KIF18B: variants seen among roughly 807,000 people sequenced by gnomAD.
KIF18B encodes the protein kinesin-like protein KIF18B.
In KIF18B, 49 loss-of-function variants were observed where a neutral mutation model predicts 80.9. The observed-to-expected ratio is 0.61, with a 90% CI of 0.48 to 0.77. The LOEUF (loss-of-function observed/expected upper bound fraction) is 0.77. KIF18B is among the 30% of genes least tolerant of loss of function. KIF18B has a pLI of 0.00. For missense variants in KIF18B, 994 were observed against 1,127.7 expected (o/e 0.88, Z 1.70); for synonymous variants, 439 against 463.9 (o/e 0.95, Z 0.69).
intron 7 of KIF18B, among the ~76,000 whole-genome samples, 155 bp from the exon 8 acceptor site, chr17:44,933,141 C>A (rs2052195944): frequency 6.6e-6 from 1 of 152,184 alleles, no homozygotes; most frequent in African/African-American, 2.4e-5. Context: ...AGTATCATGC[C>A]TGAGACCACA....
At chr17:44,942,955 C>G (rs2052446108) in intron 1 of KIF18B, among the ~76,000 whole-genome samples, 1 of 152,204 alleles carries the variant, frequency 6.6e-6, no homozygotes, top group Non-Finnish European at 1.5e-5. Context: ...ACCAGGGGCA[C>G]TACCCCATCC....
chr17:44,947,470 G>A (rs1488844209), intron 1 of KIF18B, among the ~76,000 whole-genome samples, 158 bp downstream of exon 1: 3 of 152,238 alleles, frequency 2.0e-5, no homozygotes, highest in African/African-American at 7.2e-5. Context: ...GACAGAGCCT[G>A]CCGGGGCGGC....
At chr17:44,938,991 CTGAG>C (rs2052363252) in intron 1 of KIF18B, among the ~76,000 whole-genome samples, 1 of 151,320 alleles carries the variant, frequency 6.6e-6, no homozygotes, top group Non-Finnish European at 1.5e-5. Context: ...TTGCGGTGAG[CTGAG>C]ATCGTACCAC....
At position 44,937,216 on chromosome 17, in the gene KIF18B, T is replaced by C. The variant is rs918436356; in HGVS notation, c.-14-858A>G. Among the ~76,000 whole-genome samples the C allele has an allele frequency of 9.3e-4, 142 of 152,270 alleles. 3 individuals carry two copies. The South Asian group carries it at 0.029, about 31-fold the overall frequency. On this transcript the variant is annotated intron_variant, in intron 1 of 15. Transcript: ENST00000593135. Reference sequence around the variant, plus strand: ...TTGATTTTAAGAAAATTTTATCAATTCTACCCCCAACCTAGAGCCCTCTCC... The same window carrying C: ...TTGATTTTAAGAAAATTTTATCAATCCTACCCCCAACCTAGAGCCCTCTCC...
chr17:44,932,877 G>C (rs368760981), intron 8 of KIF18B, 35 bp downstream of exon 8: 2 of 1,591,190 alleles, frequency 1.3e-6, no homozygotes, highest in African/African-American at 1.3e-5. Flanking sequence ...TCTGGCTGTC[G>C]GCCCTCCAGC....
intron 14 of KIF18B, 109 bp downstream of exon 14, chr17:44,926,880 C>CG: frequency 1.1e-6 from 1 of 939,608 alleles, no homozygotes. Context: ...CTGCTTGCTC[C>CG]GGGGGTGTAG....
In KIF18B at chr17:44,928,912, G is replaced by A; in HGVS notation, c.1630C>T (p.Gln544Ter). 6.2e-7 allele frequency: 1 copy of A among 1,613,954 alleles called. No homozygotes were observed. The highest frequency in any genetic ancestry group is 8.5e-7 in the Non-Finnish European group (1 of 1,179,890). ...GCCCCAGGCTCAATTTTTTCCTCTT[G>A]CACCAGCTGCTGTAGGGTCTCAAAC... ...TEFETLQQLVQEEKIEPGAEA... is the reference protein window; with the variant it reads ...TEFETLQQLV The change falls in exon 12 of 16, where the codon CAA (glutamine) becomes TAA (stop). Residue 544 changes from glutamine to a stop codon, truncating the protein, a stop_gained. Transcript: ENST00000593135. LOFTEE classifies it high-confidence loss of function.
rs1266584927 is a variant in KIF18B at position 44,927,181 on chromosome 17, T to C, written c.2277-103A>G. Reference sequence around the variant, plus strand: ...CCAGCTCGGGCATGGGGGAGGGTGGTTGGACAAGATGACCTCTGAGGTTTC... The same window carrying C: ...CCAGCTCGGGCATGGGGGAGGGTGGCTGGACAAGATGACCTCTGAGGTTTC... On this transcript the variant is annotated intron_variant, in intron 13 of 15. Coordinates refer to ENST00000593135, the MANE Select transcript of KIF18B (RefSeq NM_001265577.2). The surrounding 1 kb of genome is among the most constrained non-coding windows in gnomAD (Gnocchi z 4.1). 7.7e-6 allele frequency: 6 copies of C among 782,784 alleles called. No homozygotes were observed. Among genetic ancestry groups the C allele is most frequent in the Admixed American group, 5.5e-5 (2 of 36,324 alleles). The allele number at this position is 782,784 out of a possible 1,614,324, so 48.5% of individuals were successfully genotyped here.
rs781348504 is a variant in KIF18B at position 44,939,366 on chromosome 17, CAAAAAAAAAA to C, written c.-14-3018_-14-3009del. ...AGCCTGGGTGACAGAGACTCCATCT[CAAAAAAAAAA>C]AAAAAAAAAAAAAAAAGAAACATGA... On this transcript the variant is annotated intron_variant, in intron 1 of 15. Transcript: ENST00000593135. Among the ~76,000 whole-genome samples the C allele has an allele frequency of 1.7e-3, 64 of 36,956 alleles. 2 individuals are homozygous for C. The highest frequency in any genetic ancestry group is 5.9e-3 in the African/African-American group (56 of 9,554). 24.2% of individuals were successfully genotyped at this position (36,956 alleles called of 152,430 possible).
intron 12 of KIF18B, 40 bp from the exon 13 acceptor site, chr17:44,928,618 C>G (rs1347334334): frequency 6.9e-7 from 1 of 1,441,788 alleles, no homozygotes; most frequent in Non-Finnish European, 9.1e-7. Flanking sequence ...CTTGGGGAGC[C>G]AGACACTGGA....
At chr17:44,941,978 G>A (rs1272052488) in intron 1 of KIF18B, among the ~76,000 whole-genome samples, 1 of 152,136 alleles carries the variant, frequency 6.6e-6, no homozygotes, top group Admixed American at 6.5e-5. Context: ...GGCACAAAGT[G>A]TGGATGACAC....
rs775862605 is a variant in KIF18B at position 44,928,951 on chromosome 17, C to T, written c.1591G>A (p.Asp531Asn). The stretch of plus-strand genomic sequence containing the variant: ...AGGGTCTCAAACTCTGTGATCATGT[C>T]GGGCGTCAGGAGGTTGGCTGCTTGG... The part of the protein sequence containing the change: ...LLQAANLLTP[D>N]MITEFETLQQ... The change falls in exon 12 of 16, where the codon GAC (aspartate) becomes AAC (asparagine). Residue 531 changes from aspartate (D) to asparagine (N), a missense_variant. By Grantham distance (23) the Asp-to-Asn change is conservative. Transcript: ENST00000593135. 9.3e-6 allele frequency: 15 copies of T among 1,613,898 alleles called. No individual in the cohort carries two copies. The highest frequency in any genetic ancestry group is 1.6e-4 in the Middle Eastern group (1 of 6,084).
rs367973974 is a variant in KIF18B at position 44,928,432 on chromosome 17, G to C, written c.1870C>G (p.Pro624Ala). The change falls in exon 13 of 16, where the codon CCC becomes GCC. Residue 624 changes from proline to alanine, a missense_variant. Physicochemically the swap from Pro to Ala is conservative, Grantham distance 27 (BLOSUM62 -1). Coordinates refer to ENST00000593135, the MANE Select transcript of KIF18B (RefSeq NM_001265577.2). ...GGTCTCCTCCTCTTCTTCTCCATGG[G>C]CCATCGGGACCCCTGGGCTGGGGTG... ...NCTPAQGSRW[P>A]MEKKRRRPSA... 37 of 1,540,976 alleles carry C rather than the reference G, an allele frequency of 2.4e-5. 1 individual carries two copies. The African/African-American group carries it at 4.9e-4, about 20-fold the overall frequency.
Position 44,928,997 on chromosome 17 carries a change from G to T in KIF18B, c.1545C>A (p.Ala515=). The part of the protein sequence containing the change: ...KQLALKVLCV[A]QRQYSLLQAA... ...CTTGGAGCAGGGAGTACTGCCGCTG[G>T]GCAACGCACAGCACCTTTAGGGCCA... The change falls in exon 12 of 16, where the codon GCC becomes GCA. Residue 515 remains alanine, a synonymous_variant. Coordinates refer to ENST00000593135, the MANE Select transcript of KIF18B (RefSeq NM_001265577.2). The T allele has an allele frequency of 6.2e-7, 1 of 1,613,998 alleles. No homozygotes were observed. Among genetic ancestry groups the T allele is most frequent in the Non-Finnish European group, 8.5e-7 (1 of 1,179,882 alleles).
intron 11 of KIF18B, among the ~76,000 whole-genome samples, chr17:44,929,558 AT>A (rs2052104175): frequency 6.6e-6 from 1 of 152,218 alleles, no homozygotes; most frequent in African/African-American, 2.4e-5. Context: ...GGGATAACAA[AT>A]GCCCCCACCT....
At chr17:44,944,510 G>A (rs1408011822) in intron 1 of KIF18B, among the ~76,000 whole-genome samples, 1 of 152,088 alleles carries the variant, frequency 6.6e-6, no homozygotes, top group Non-Finnish European at 1.5e-5. Context: ...CCAAAGTGCT[G>A]GTGCTGGGAT....
chr17:44,944,448 G>A (rs2052475770), intron 1 of KIF18B, among the ~76,000 whole-genome samples: 1 of 151,978 alleles, frequency 6.6e-6, no homozygotes, highest in Admixed American at 6.6e-5. Flanking sequence ...TCACCATGTC[G>A]GTCAGGCTGG....
chr17:44,946,625 CAT>C (rs1378829980), intron 1 of KIF18B, among the ~76,000 whole-genome samples: 1 of 152,192 alleles, frequency 6.6e-6, no homozygotes. Flanking sequence ...AATTATATGA[CAT>C]ATGGCATTTT....
chr17:44,942,734 CAG>C (rs2052442695), intron 1 of KIF18B, among the ~76,000 whole-genome samples: 2 of 152,254 alleles, frequency 1.3e-5, no homozygotes, highest in East Asian at 1.9e-4. Context: ...CAGAGAAGAG[CAG>C]AGTCTGAATC....
Sources: gnomAD v4.1 joint callset for allele counts (sites outside exome capture counted in the v4.1 genomes callset) on GRCh38, gnomAD v4.1.1 for gene constraint, Gnocchi (gnomAD v3.1) non-coding constraint, MANE v1.5 for transcripts, NCBI Gene and HGNC (gene_info 2026-07-23, HGNC 2026-07-21) for gene names.